The following EPC2 variants were observed in gnomAD, a reference collection of about 807,000 sequenced individuals.
EPC2 encodes the protein enhancer of polycomb homolog 2.
EPC2 carries 14 observed loss-of-function variants against 92.1 expected under a neutral mutation model. That is an observed-to-expected ratio of 0.15 (90% CI 0.10 to 0.24). The LOEUF (loss-of-function observed/expected upper bound fraction) is 0.24. EPC2 is among the 10% of genes least tolerant of loss of function. The pLI is 1.00. For synonymous variants in EPC2, 340 were observed against 334.7 expected (o/e 1.02, Z -0.17); for missense variants, 755 against 971.5 (o/e 0.78, Z 2.96).
chr2:148,723,909 T>A (rs1574605588), intron 2 of EPC2, among the ~76,000 whole-genome samples: 2 of 152,108 alleles, frequency 1.3e-5, no homozygotes, highest in African/African-American at 4.8e-5. Context: ...CTTAGAGTTC[T>A]ATAAAAACTT....
chr2:148,711,482 A>AT (rs990638465), intron 2 of EPC2, among the ~76,000 whole-genome samples: 2 of 151,992 alleles, frequency 1.3e-5, no homozygotes. Context: ...AAAATTTATT[A>AT]TTTTTTTATG....
chr2:148,676,204 A>G (rs1255097167), intron 1 of EPC2, among the ~76,000 whole-genome samples: 4 of 152,052 alleles, frequency 2.6e-5, no homozygotes, highest in African/African-American at 9.7e-5. Context: ...TAGAAAGTGT[A>G]TAATGTCTTT....
chr2:148,652,846 A>G (rs1459024140), intron 1 of EPC2, among the ~76,000 whole-genome samples: 1 of 152,170 alleles, frequency 6.6e-6, no homozygotes, highest in Non-Finnish European at 1.5e-5. Context: ...CATTCTGTGT[A>G]TGTTTTGGTT....
chr2:148,667,180 GAGAAGC>G (rs1681071834), intron 1 of EPC2, among the ~76,000 whole-genome samples: 1 of 152,180 alleles, frequency 6.6e-6, no homozygotes. Flanking sequence ...TGATAGAATT[GAGAAGC>G]CTGTCTTGCT....
chr2:148,732,997 A>G (rs1213722804), intron 2 of EPC2, among the ~76,000 whole-genome samples: 1 of 119,158 alleles, frequency 8.4e-6, no homozygotes, highest in African/African-American at 3.1e-5. Flanking sequence ...AACTAACTTT[A>G]GGGACCCAGA....
chr2:148,660,943 T>G (rs1027388416), intron 1 of EPC2, among the ~76,000 whole-genome samples: 10 of 152,078 alleles, frequency 6.6e-5, no homozygotes, highest in African/African-American at 2.4e-4. Context: ...AAAGATAAGA[T>G]TATTAATTGT....
intron 2 of EPC2, among the ~76,000 whole-genome samples, chr2:148,721,827 C>T (rs543289209): frequency 7.0e-6 from 1 of 143,246 alleles, no homozygotes; most frequent in African/African-American, 2.6e-5. Context: ...GTGAGCCCTT[C>T]AGATGCATCT....
rs548414730 is a variant in EPC2, at chr2:148,658,096, A to G, written c.153+12926A>G. 9.2e-5 allele frequency among the ~76,000 whole-genome samples: 14 copies of G among 152,278 alleles called. No homozygotes were observed. In the South Asian group the frequency reaches 2.7e-3, roughly 29 times the overall value. On this transcript the variant is annotated intron_variant, in intron 1 of 13. Transcript: ENST00000258484. The stretch of plus-strand genomic sequence containing the variant: ...GCTAGACCCTGGTCACAACAGTTTC[A>G]TCTGCTGATCAGTTTGTAACTTTGT...
At chr2:148,710,458 A>G (rs185782647) in intron 2 of EPC2, among the ~76,000 whole-genome samples, 6,251 of 152,352 alleles carry the variant, frequency 0.041, 164 homozygotes, top group South Asian at 0.059. Flanking sequence ...TCAAGGATCT[A>G]GAACTAGAAA....
intron 2 of EPC2, among the ~76,000 whole-genome samples, chr2:148,715,574 T>C (rs1177872483): frequency 6.6e-6 from 1 of 152,186 alleles, no homozygotes; most frequent in Non-Finnish European, 1.5e-5. Flanking sequence ...TTCTGTTCCA[T>C]TCGTCTGTGT....
chr2:148,782,358 A>G (rs1558839603), intron 11 of EPC2, among the ~76,000 whole-genome samples: 1 of 151,960 alleles, frequency 6.6e-6, no homozygotes, highest in Non-Finnish European at 1.5e-5. Context: ...TCAACGTGGC[A>G]AAACCCTGTC....
At chr2:148,653,363 C>A (rs895869) in intron 1 of EPC2, among the ~76,000 whole-genome samples, 27,307 of 152,120 alleles carry the variant, frequency 0.18, 3,193 homozygotes, top group East Asian at 0.49. Flanking sequence ...GGAATAAGCC[C>A]TGAAGGAGAC....
intron 2 of EPC2, among the ~76,000 whole-genome samples, chr2:148,710,871 G>A (rs1009264252): frequency 1.3e-5 from 2 of 151,904 alleles, no homozygotes; most frequent in Non-Finnish European, 2.9e-5. Context: ...GGGGAGGGAT[G>A]GCATTAGGAG....
intron 2 of EPC2, among the ~76,000 whole-genome samples, chr2:148,728,126 A>G (rs1311196240): frequency 2.0e-5 from 3 of 152,134 alleles, no homozygotes; most frequent in Admixed American, 6.5e-5. Flanking sequence ...AACAGCTAGA[A>G]TCACAGGAGC....
chr2:148,657,625 T>C (rs954270866), intron 1 of EPC2, among the ~76,000 whole-genome samples: 2 of 151,918 alleles, frequency 1.3e-5, no homozygotes, highest in African/African-American at 2.4e-5. Flanking sequence ...GTAGTTCTTA[T>C]CTTGGCCACA....
intron 1 of EPC2, among the ~76,000 whole-genome samples, chr2:148,647,792 C>T (rs1325417337): frequency 6.6e-6 from 1 of 151,962 alleles, no homozygotes; most frequent in African/African-American, 2.4e-5. Flanking sequence ...GCCACTATGC[C>T]CAGCTAATTT....
intron 2 of EPC2, chr2:148,691,784 G>A: frequency 1.4e-6 from 1 of 728,150 alleles, no homozygotes; most frequent in Admixed American, 2.0e-5. Flanking sequence ...CTAAGGGCAA[G>A]TTGAGAAATA....
chr2:148,675,551 A>G (rs1397188305), intron 1 of EPC2, among the ~76,000 whole-genome samples: 1 of 152,164 alleles, frequency 6.6e-6, no homozygotes, highest in Non-Finnish European at 1.5e-5. Context: ...TTCTATCTGT[A>G]TAAAATGATG....
At chr2:148,727,682 T>C (rs984058732) in intron 2 of EPC2, among the ~76,000 whole-genome samples, 1 of 152,194 alleles carries the variant, frequency 6.6e-6, no homozygotes, top group Non-Finnish European at 1.5e-5. Context: ...TCTATGCTTG[T>C]TAAGAGTGAG....
Sources: allele counts gnomAD v4.1 joint callset (sites outside exome capture counted in the v4.1 genomes callset), GRCh38; gene constraint gnomAD v4.1.1; transcripts MANE v1.5; gene names NCBI Gene and HGNC (gene_info 2026-07-23, HGNC 2026-07-21).